The following GRIN3A variants were observed in gnomAD, a reference collection of about 807,000 sequenced individuals.
GRIN3A encodes the protein glutamate receptor ionotropic, NMDA 3A.
A neutral mutation model predicts 92.4 loss-of-function variants in GRIN3A; 47 were observed. The observed-to-expected ratio is 0.51, with a 90% CI of 0.40 to 0.65. The LOEUF (loss-of-function observed/expected upper bound fraction) is 0.65. GRIN3A is among the 30% of genes least tolerant of loss of function. The pLI, the probability that GRIN3A is intolerant of heterozygous loss-of-function variation, is 0.00. For missense variants in GRIN3A, 1,324 were observed against 1,393.1 expected (o/e 0.95, Z 0.79); for synonymous variants, 527 against 540.6 (o/e 0.97, Z 0.35).
intron 1 of GRIN3A, among the ~76,000 whole-genome samples, chr9:101,731,680 C>G (rs563294109): frequency 1.3e-5 from 2 of 152,224 alleles, no homozygotes; most frequent in Admixed American, 6.5e-5. Flanking sequence ...GGCAGGAGAT[C>G]AAATACAGTT....
At chr9:101,720,560 A>G (rs970758204) in intron 1 of GRIN3A, among the ~76,000 whole-genome samples, 25 of 152,202 alleles carry the variant, frequency 1.6e-4, no homozygotes, top group African/African-American at 6.0e-4. Flanking sequence ...GAACTCTGCT[A>G]TACAATGGGT....
At chr9:101,691,407 A>AT (rs1344023402) in intron 1 of GRIN3A, among the ~76,000 whole-genome samples, 2 of 152,232 alleles carry the variant, frequency 1.3e-5, no homozygotes, top group Non-Finnish European at 2.9e-5. Flanking sequence ...ACTAGGAAAT[A>AT]TTAATTTAGT....
chr9:101,688,534 G>A (rs1829567076), intron 1 of GRIN3A, among the ~76,000 whole-genome samples: 1 of 152,184 alleles, frequency 6.6e-6, no homozygotes, highest in Non-Finnish European at 1.5e-5. Flanking sequence ...CAACAGGGAT[G>A]GGGAATTAGA....
chr9:101,573,578 T>A, intron 8 of GRIN3A, 65 bp from the exon 9 acceptor site: 1 of 1,278,442 alleles, frequency 7.8e-7, no homozygotes, highest in Non-Finnish European at 1.1e-6. Flanking sequence ...TGTCTTCATC[T>A]GTTAGCCATT....
Position 101,573,308 on chromosome 9 carries a change from G to C in GRIN3A, c.3214C>G (p.Arg1072Gly), listed in dbSNP as rs750171888. 1.2e-6 allele frequency: 2 copies of C among 1,614,032 alleles called. No individual in the cohort carries two copies. Among genetic ancestry groups the C allele is most frequent in the Middle Eastern group, 1.6e-4 (1 of 6,062 alleles). Residue 1072 changes from arginine to glycine, a missense_variant, in exon 9 of 9, where the codon CGG becomes GGG. Physicochemically the swap from Arg to Gly is moderately radical, Grantham distance 125 (BLOSUM62 -2). Coordinates refer to ENST00000361820, the MANE Select transcript of GRIN3A (RefSeq NM_133445.3). ...GAGAGTTCCTGCATCACTGAGTTCC[G>C]AGATACATTTAGGGAGTCTGCTTTC... is the stretch of plus-strand genomic sequence containing the variant. The part of the protein sequence containing the change: ...NGKADSLNVS[R>G]NSVMQELSEL...
rs73658428 is a variant in GRIN3A at position 101,685,340 on chromosome 9, C to T, written c.1304+1256G>A. On this transcript the variant is annotated intron_variant, in intron 2 of 8. Transcript: ENST00000361820. Reference sequence around the variant, plus strand: ...TTTTTTTTTTTTTGAGACGGAGTCTCGCTGTGTTGCCCATTATCATGTCTT... The same window carrying T: ...TTTTTTTTTTTTTGAGACGGAGTCTTGCTGTGTTGCCCATTATCATGTCTT... 3.2e-3 allele frequency among the ~76,000 whole-genome samples: 418 copies of T among 132,164 alleles called. 2 individuals carry two copies. Among genetic ancestry groups the T allele is most frequent in the African/African-American group, 9.9e-3 (361 of 36,332 alleles). The allele number at this position is 132,164 out of a possible 152,430, so 86.7% of individuals were successfully genotyped here.
chr9:101,670,969 C>T lies in GRIN3A; in HGVS notation c.1443G>A (p.Leu481=), dbSNP rs1349882220. The change falls in exon 3 of 9, where the codon TTG becomes TTA. Residue 481 remains leucine (L), a synonymous_variant. Transcript: ENST00000361820. ...DPMGKPMWTR[L]GSWQGGKIVM... is the part of the protein sequence containing the mutation. ...CAATCTTTCCCCCCTGCCAGCTGCC[C>T]AAGCGGGTCCACATTGGCTTTCCCA... 1.9e-6 allele frequency: 3 copies of T among 1,614,034 alleles called. No individual in the cohort carries two copies. The South Asian group carries it at 3.3e-5, about 18-fold the overall frequency.
chr9:101,712,042 C>T (rs1588293846), intron 1 of GRIN3A, among the ~76,000 whole-genome samples: 1 of 152,156 alleles, frequency 6.6e-6, no homozygotes, highest in East Asian at 1.9e-4. Flanking sequence ...TATGGGGCTA[C>T]CCCTCTAAGC....
intron 3 of GRIN3A, among the ~76,000 whole-genome samples, chr9:101,656,746 CT>C (rs1279513791): frequency 2.0e-5 from 3 of 151,854 alleles, no homozygotes; most frequent in Non-Finnish European, 4.4e-5. Context: ...ATCTTAAATT[CT>C]CCCTAAGATA....
At chr9:101,620,088 G>A (rs1251343465) in intron 5 of GRIN3A, among the ~76,000 whole-genome samples, 2 of 152,182 alleles carry the variant, frequency 1.3e-5, no homozygotes, top group African/African-American at 4.8e-5. Context: ...GTGAAGTTTG[G>A]AGGGATAGTT....
At chr9:101,614,608 A>ATTTTTT (rs1564126676) in intron 5 of GRIN3A, among the ~76,000 whole-genome samples, 5 of 128,360 alleles carry the variant, frequency 3.9e-5, no homozygotes, top group African/African-American at 1.5e-4. Flanking sequence ...TATATGTGAT[A>ATTTTTT]CTTTTTTTTT....
rs1176319125 is a variant in GRIN3A at position 101,571,257 on chromosome 9, A to G, written c.*1917T>C. The G allele has an allele frequency of 1.3e-5, 2 of 152,138 alleles. No homozygotes were observed. The highest frequency in any genetic ancestry group is 3.9e-4 in the East Asian group (2 of 5,186). 9.4% of individuals were successfully genotyped at this position (152,138 alleles called of 1,614,324 possible). On this transcript the variant is annotated 3_prime_UTR_variant, in exon 9 of 9. Coordinates refer to ENST00000361820, the MANE Select transcript of GRIN3A (RefSeq NM_133445.3). ...TTTAGAGCCCTCCCACATCCATATC[A>G]GTATCTCTGAGCCTCCCTCCACTCC...
At chr9:101,719,362 T>G (rs1829982945) in intron 1 of GRIN3A, among the ~76,000 whole-genome samples, 2 of 149,354 alleles carry the variant, frequency 1.3e-5, no homozygotes, top group Non-Finnish European at 3.0e-5. Context: ...GAAGTTGCAG[T>G]GAGCTGAGAT....
chr9:101,702,805 T>C (rs1197211710), intron 1 of GRIN3A, among the ~76,000 whole-genome samples: 1 of 152,194 alleles, frequency 6.6e-6, no homozygotes, highest in Non-Finnish European at 1.5e-5. Flanking sequence ...AATTCACTTC[T>C]CTCAAAGCCC....
intron 1 of GRIN3A, among the ~76,000 whole-genome samples, chr9:101,734,466 T>C: frequency 6.6e-6 from 1 of 152,094 alleles, no homozygotes; most frequent in East Asian, 1.9e-4. Context: ...TATACATATG[T>C]TTTCCAAAAG....
chr9:101,595,954 T>A (rs552089186), intron 6 of GRIN3A, among the ~76,000 whole-genome samples: 1 of 152,354 alleles, frequency 6.6e-6, no homozygotes, highest in South Asian at 2.1e-4. Flanking sequence ...GTTCTTTCTG[T>A]TGAAGACTAA....
chr9:101,592,118 T>A (rs1419978035), intron 6 of GRIN3A: 2 of 152,222 alleles, frequency 1.3e-5, no homozygotes, highest in East Asian at 3.8e-4. Context: ...GATTTTGTTT[T>A]AAAAATTCTC....
chr9:101,737,313 T>C lies in GRIN3A; in HGVS notation c.667A>G (p.Ile223Val), dbSNP rs1423232741. 6 of 1,614,148 alleles carry C rather than the reference T, an allele frequency of 3.7e-6. No individual in the cohort carries two copies. The highest frequency in any genetic ancestry group is 5.1e-6 in the Non-Finnish European group (6 of 1,180,020). ...SLVLHIPVIS[I>V]VRHEFPRESQ... is the part of the protein sequence containing the mutation. ...TCCCGTGGAAACTCGTGGCGCACGA[T>C]GCTGATCACTGGAATGTGCAGGACT... Residue 223 changes from isoleucine to valine, a missense_variant, in exon 1 of 9, where the codon ATC becomes GTC. Coordinates refer to ENST00000361820, the MANE Select transcript of GRIN3A (RefSeq NM_133445.3).
chr9:101,677,083 T>C (rs1454291343), intron 2 of GRIN3A, among the ~76,000 whole-genome samples: 1 of 151,970 alleles, frequency 6.6e-6, no homozygotes, highest in African/African-American at 2.4e-5. Context: ...CTTTGGATTG[T>C]CTTTTAGAAC....
Sources: allele counts gnomAD v4.1 joint callset (sites outside exome capture counted in the v4.1 genomes callset), GRCh38; gene constraint gnomAD v4.1.1; transcripts MANE v1.5; gene names NCBI Gene and HGNC (gene_info 2026-07-23, HGNC 2026-07-21).